CTH: variants seen among roughly 807,000 people sequenced by gnomAD.
The protein encoded by CTH is cystathionine gamma-lyase.
A neutral mutation model predicts 50.6 loss-of-function variants in CTH; 41 were observed. The observed-to-expected ratio is 0.81, with a 90% CI of 0.63 to 1.05. The LOEUF (loss-of-function observed/expected upper bound fraction) is 1.05. Among genes scored for constraint, CTH ranks in the 50% least tolerant of loss-of-function variants. The pLI is 0.00. For synonymous variants in CTH, 156 were observed against 168.9 expected, an observed-to-expected ratio of 0.92 and a Z score of 0.59; for missense variants, 470 against 492.6, an observed-to-expected ratio of 0.95 and a Z score of 0.43.
In CTH at chr1:70,411,538, C is replaced by G; in HGVS notation, c.123C>G (p.Ile41Met). ...CCTCCAGGGCTGTAGTGCCCCCCATCTCACTGTCCACCACGTTCAAGCAAG... is the reference window on the plus strand; with the variant it reads ...CCTCCAGGGCTGTAGTGCCCCCCATGTCACTGTCCACCACGTTCAAGCAAG... ...QWTSRAVVPP[I>M]SLSTTFKQGA... is the part of the protein sequence containing the mutation. Residue 41 changes from isoleucine to methionine, a missense_variant, in exon 1 of 12, where the codon ATC becomes ATG. Coordinates refer to ENST00000370938, the MANE Select transcript of CTH (RefSeq NM_001902.6). 6.2e-7 allele frequency: 1 copy of G among 1,614,188 alleles called. No individual in the cohort carries two copies. The highest frequency in any genetic ancestry group is 8.5e-7 in the Non-Finnish European group (1 of 1,180,040).
At position 70,439,364 on chromosome 1, in the gene CTH, G is replaced by A; in HGVS notation, c.*237G>A. 1 of 529,300 alleles carries A rather than the reference G, an allele frequency of 1.9e-6. No individual in the cohort carries two copies. Among genetic ancestry groups the A allele is most frequent in the Non-Finnish European group, 3.3e-6 (1 of 298,676 alleles). 32.8% of individuals were successfully genotyped at this position (529,300 alleles called of 1,614,324 possible). On this transcript the variant is annotated 3_prime_UTR_variant, in exon 12 of 12. Coordinates refer to ENST00000370938, the MANE Select transcript of CTH (RefSeq NM_001902.6). ...TTTTTGTTAATTTTGCTCTATGTTT[G>A]CCTCTGAAGGAGGTGAGATTTGTGC...
chr1:70,416,057 C>T lies in CTH; in HGVS notation c.250+20C>T. On this transcript the variant is annotated intron_variant, in intron 2 of 11. Coordinates refer to ENST00000370938, the MANE Select transcript of CTH (RefSeq NM_001902.6). ...AGTACTGTAAGTAATTTCCATTTCA[C>T]AGTCTAGAATCTATTTTTAAATGTA... is the stretch of plus-strand genomic sequence containing the variant. The T allele has an allele frequency of 7.5e-7, 1 of 1,330,042 alleles. No individual in the cohort carries two copies. Among genetic ancestry groups the T allele is most frequent in the Non-Finnish European group, 1.1e-6 (1 of 920,582 alleles). The allele number at this position is 1,330,042 out of a possible 1,614,324, so 82.4% of individuals were successfully genotyped here.
At chr1:70,411,640 A>G in intron 1 of CTH, 57 bp downstream of exon 1, 2 of 1,575,314 alleles carry the variant, frequency 1.3e-6, no homozygotes, top group South Asian at 1.2e-5. Flanking sequence ...GATACGGCTT[A>G]TGAATTTGAA....
intron 2 of CTH, among the ~76,000 whole-genome samples, chr1:70,416,329 C>G (rs1448542666): frequency 6.6e-6 from 1 of 152,146 alleles, no homozygotes; most frequent in Non-Finnish European, 1.5e-5. Flanking sequence ...AAACAATCTT[C>G]ATCTGAAACT....
At position 70,415,977 on chromosome 1, in the gene CTH, G is replaced by A; in HGVS notation, c.190G>A (p.Gly64Arg). Reference sequence around the variant, plus strand: ...TCAGGGTTTTGAATATAGCCGTTCTGGAAATCCCACTAGGAATTGCCTTGA... The same window carrying A: ...TCAGGGTTTTGAATATAGCCGTTCTAGAAATCCCACTAGGAATTGCCTTGA... ...QHSGFEYSRSGNPTRNCLEKA... is the reference protein window; with the variant it reads ...QHSGFEYSRSRNPTRNCLEKA... Residue 64 changes from glycine (G) to arginine (R), a missense_variant, in exon 2 of 12, where the codon GGA becomes AGA. By Grantham distance (125) the Gly-to-Arg change is moderately radical. Transcript: ENST00000370938. 1 of 1,609,960 alleles carries A rather than the reference G, an allele frequency of 6.2e-7. No homozygotes were observed. Among genetic ancestry groups the A allele is most frequent in the Non-Finnish European group, 8.5e-7 (1 of 1,176,286 alleles).
intron 1 of CTH, 52 bp downstream of exon 1, chr1:70,411,635 G>A: frequency 1.3e-6 from 2 of 1,575,422 alleles, no homozygotes; most frequent in Non-Finnish European, 1.7e-6. Context: ...AAAGAGATAC[G>A]GCTTATGAAT....
In CTH at chr1:70,420,085, C is replaced by T. The variant is rs1185411406; in HGVS notation, c.347-1481C>T. ...TCGGCTCACTGCAACCTCCGCTTCCCGGGTTCAAGCGATTCTCCTGTCTCA... is the reference window on the plus strand; with the variant it reads ...TCGGCTCACTGCAACCTCCGCTTCCTGGGTTCAAGCGATTCTCCTGTCTCA... On this transcript the variant is annotated intron_variant, in intron 3 of 11. Transcript: ENST00000370938. Among the ~76,000 whole-genome samples, 8 of 151,788 alleles carry T rather than the reference C, an allele frequency of 5.3e-5. No individual in the cohort carries two copies. In the East Asian group the frequency reaches 7.8e-4, roughly 15 times the overall value.
In CTH at chr1:70,438,745, T is replaced by G; in HGVS notation, c.1110T>G (p.Ser370Arg). 1 of 1,613,984 alleles carries G rather than the reference T, an allele frequency of 6.2e-7. No individual in the cohort carries two copies. Among genetic ancestry groups the G allele is most frequent in the Non-Finnish European group, 8.5e-7 (1 of 1,179,982 alleles). The part of the protein sequence containing the change: ...LKNDRDVLGI[S>R]DTLIRLSVGL... Reference sequence around the variant, plus strand: ...ATGACAGAGATGTCCTTGGAATTAGTGACACACTGATTCGACTTTCTGTGG... The same window carrying G: ...ATGACAGAGATGTCCTTGGAATTAGGGACACACTGATTCGACTTTCTGTGG... Residue 370 changes from serine to arginine, a missense_variant, in exon 11 of 12, where the codon AGT becomes AGG. Transcript: ENST00000370938.
intron 5 of CTH, among the ~76,000 whole-genome samples, chr1:70,428,464 C>T (rs1557469311): frequency 6.6e-6 from 1 of 152,122 alleles, no homozygotes; most frequent in East Asian, 1.9e-4. Flanking sequence ...GATCATTACA[C>T]AATTACACAT....
intron 7 of CTH, among the ~76,000 whole-genome samples, chr1:70,431,809 G>T (rs1393063092): frequency 6.6e-6 from 1 of 152,116 alleles, no homozygotes; most frequent in Non-Finnish European, 1.5e-5. Context: ...ATCATAGAAA[G>T]GACTACTTAT....
intron 10 of CTH, among the ~76,000 whole-genome samples, chr1:70,437,472 C>G (rs1324204473): frequency 6.6e-6 from 1 of 152,060 alleles, no homozygotes; most frequent in Non-Finnish European, 1.5e-5. Flanking sequence ...GGTAAGCACA[C>G]AGTAGATGCA....
chr1:70,438,895 C>A lies in CTH; in HGVS notation c.1191+69C>A. ...CTGCTTTATCTTGGGCATGGGGGGTCACTATATTTACAAAGTGTGGTCTCA... is the reference window on the plus strand; with the variant it reads ...CTGCTTTATCTTGGGCATGGGGGGTAACTATATTTACAAAGTGTGGTCTCA... On this transcript the variant is annotated intron_variant, in intron 11 of 11. Transcript: ENST00000370938. 1.9e-6 allele frequency: 3 copies of A among 1,602,184 alleles called. No homozygotes were observed. The South Asian group carries it at 3.3e-5, about 18-fold the overall frequency.
In CTH at chr1:70,417,913, ACT is replaced by A. The variant is rs1420328988; in HGVS notation, c.251-21_251-20del. ...ACCTATAGGCCTGACTTTTCAGCTT[ACT>A]CTAACTTGATTTTTATTTTAGGTTT... On this transcript the variant is annotated intron_variant, in intron 2 of 11. Transcript: ENST00000370938. The A allele has an allele frequency of 1.1e-5, 18 of 1,613,438 alleles. No individual in the cohort carries two copies. In the South Asian group the frequency reaches 2.0e-4, roughly 18 times the overall value.
intron 1 of CTH, among the ~76,000 whole-genome samples, chr1:70,412,493 G>A (rs1188725056): frequency 6.6e-6 from 1 of 152,126 alleles, no homozygotes; most frequent in Non-Finnish European, 1.5e-5. Flanking sequence ...TCAGCTACTC[G>A]GGAAGCTGAG....
chr1:70,420,807 T>G (rs1684203313), intron 3 of CTH, among the ~76,000 whole-genome samples: 1 of 152,188 alleles, frequency 6.6e-6, no homozygotes, highest in Non-Finnish European at 1.5e-5. Context: ...ATGGCAAACA[T>G]AGGTATAAAA....
At chr1:70,433,425 C>G (rs1684524236) in intron 8 of CTH, among the ~76,000 whole-genome samples, 1 of 152,116 alleles carries the variant, frequency 6.6e-6, no homozygotes, top group African/African-American at 2.4e-5. Context: ...TAAACGCCAG[C>G]TATGAGCCAG....
At chr1:70,437,622 C>T (rs1684625307) in intron 10 of CTH, among the ~76,000 whole-genome samples, 1 of 152,152 alleles carries the variant, frequency 6.6e-6, no homozygotes, top group Admixed American at 6.6e-5. Context: ...TCTACATGTA[C>T]ACACTCTTTT....
rs1351986462 is a variant in CTH at position 70,439,367 on chromosome 1, T to C, written c.*240T>C. The C allele has an allele frequency of 1.9e-6, 1 of 525,222 alleles. No homozygotes were observed. Among genetic ancestry groups the C allele is most frequent in the African/African-American group, 1.9e-5 (1 of 52,682 alleles). 32.5% of individuals were successfully genotyped at this position (525,222 alleles called of 1,614,324 possible). The stretch of plus-strand genomic sequence containing the variant: ...TTGTTAATTTTGCTCTATGTTTGCC[T>C]CTGAAGGAGGTGAGATTTGTGCTAC... On this transcript the variant is annotated 3_prime_UTR_variant, in exon 12 of 12. Coordinates refer to ENST00000370938, the MANE Select transcript of CTH (RefSeq NM_001902.6).
At chr1:70,428,402 C>G (rs1684393873) in intron 5 of CTH, among the ~76,000 whole-genome samples, 1 of 152,050 alleles carries the variant, frequency 6.6e-6, no homozygotes, top group African/African-American at 2.4e-5. Flanking sequence ...GTTTCTACTA[C>G]AAAGAAATGA....
Sources: allele counts gnomAD v4.1 joint callset (sites outside exome capture counted in the v4.1 genomes callset), GRCh38; gene constraint gnomAD v4.1.1; transcripts MANE v1.5; gene names NCBI Gene and HGNC (gene_info 2026-07-23, HGNC 2026-07-21).